MPHOSPH9: variants seen among roughly 807,000 people sequenced by gnomAD.
The protein encoded by MPHOSPH9 is M-phase phosphoprotein 9.
MPHOSPH9 carries 88 observed loss-of-function variants against 145.5 expected under a neutral mutation model. The observed-to-expected ratio is 0.60, with a 90% CI of 0.51 to 0.72. The LOEUF (loss-of-function observed/expected upper bound fraction) is 0.72, where lower values mean the gene tolerates loss of function less well. Ranked by LOEUF, MPHOSPH9 falls within the 30% of genes least tolerant of loss-of-function variation. The pLI, the probability that MPHOSPH9 is intolerant of heterozygous loss-of-function variation, is 0.00. For synonymous variants in MPHOSPH9, 435 were observed against 486.2 expected (o/e 0.89, Z 1.39); for missense variants, 1,238 against 1,386.6 (o/e 0.89, Z 1.70).
At chr12:123,183,707 T>C (rs2045309931) in intron 13 of MPHOSPH9, among the ~76,000 whole-genome samples, 1 of 151,926 alleles carries the variant, frequency 6.6e-6, no homozygotes, top group Admixed American at 6.6e-5. Context: ...GGTTTAGAGA[T>C]GGACAGGGTT....
At chr12:123,187,542 T>C (rs1335684080) in intron 13 of MPHOSPH9, among the ~76,000 whole-genome samples, 2 of 151,710 alleles carry the variant, frequency 1.3e-5, no homozygotes, top group African/African-American at 2.4e-5. Context: ...AGCCAAGAAA[T>C]AGGCAAAATA....
chr12:123,239,635 C>T (rs979157491), intron 1 of MPHOSPH9, among the ~76,000 whole-genome samples: 3 of 152,158 alleles, frequency 2.0e-5, no homozygotes, highest in South Asian at 2.1e-4. Context: ...ATCTCCTGAC[C>T]TCATGATCTG....
chr12:123,183,710 A>G (rs931578630), intron 13 of MPHOSPH9, among the ~76,000 whole-genome samples: 7 of 152,180 alleles, frequency 4.6e-5, no homozygotes, highest in Non-Finnish European at 7.3e-5. Flanking sequence ...TTAGAGATGG[A>G]CAGGGTTGAG....
intron 15 of MPHOSPH9, among the ~76,000 whole-genome samples, chr12:123,177,007 T>C (rs1465422813): frequency 6.6e-6 from 1 of 151,390 alleles, no homozygotes; most frequent in Non-Finnish European, 1.5e-5. Context: ...CTGGTCAATA[T>C]GGTGAAACCC....
chr12:123,240,624 A>C (rs1007762551), intron 1 of MPHOSPH9: 1 of 151,994 alleles, frequency 6.6e-6, no homozygotes, highest in Non-Finnish European at 1.5e-5. Context: ...AAAAAAAAAA[A>C]ACAAACAGTG....
rs1477608782 is a variant in MPHOSPH9 at position 123,188,625 on chromosome 12, A to G, written c.2241+5761T>C. ...CACTTTGGGAGGCTGAGGTGGGCGG[A>G]TCACCTGAGGTCAGGAGATCGAGAC... On this transcript the variant is annotated intron_variant, in intron 13 of 23. Transcript: ENST00000606320. 3.9e-5 allele frequency among the ~76,000 whole-genome samples: 6 copies of G among 152,158 alleles called. No homozygotes were observed. The East Asian group carries it at 1.2e-3, about 29-fold the overall frequency.
chr12:123,154,375 G>A lies in MPHOSPH9; in HGVS notation c.*2432C>T, dbSNP rs2043822530. The A allele has an allele frequency of 6.6e-6, 1 of 152,084 alleles. No homozygotes were observed. 9.4% of individuals were successfully genotyped at this position (152,084 alleles called of 1,614,324 possible). A position where few individuals can be genotyped will look rare whatever the true frequency, so the allele number is the denominator to read the frequency against. On this transcript the variant is annotated 3_prime_UTR_variant, in exon 24 of 24. Transcript: ENST00000606320. ...TTTCAGTTGAGTGTTCATAAGATAA[G>A]CATTACCGAAGAGAAAGACAGCAGA...
intron 13 of MPHOSPH9, among the ~76,000 whole-genome samples, chr12:123,191,524 C>T (rs1209988406): frequency 6.6e-6 from 1 of 152,112 alleles, no homozygotes. Flanking sequence ...AACTGCTGAC[C>T]TCAGGTGATC....
At chr12:123,223,453 G>A (rs1052687077) in intron 3 of MPHOSPH9, among the ~76,000 whole-genome samples, 10 of 152,164 alleles carry the variant, frequency 6.6e-5, no homozygotes, top group Admixed American at 6.6e-4. Flanking sequence ...CTCCTTAGAC[G>A]GCTCTGCACT....
At chr12:123,164,524 G>GAA in intron 18 of MPHOSPH9, among the ~76,000 whole-genome samples, 1 of 152,208 alleles carries the variant, frequency 6.6e-6, no homozygotes, top group East Asian at 1.9e-4. Flanking sequence ...CTGGACCTGT[G>GAA]AAAAAACACA....
At chr12:123,234,104 T>C (rs781355290), upstream of MPHOSPH9, among the ~76,000 whole-genome samples, 3 of 152,084 alleles carry the variant, frequency 2.0e-5, no homozygotes, top group Admixed American at 6.5e-5. Flanking sequence ...GCCCTACTTT[T>C]GAAGGACCAA....
intron 11 of MPHOSPH9, among the ~76,000 whole-genome samples, chr12:123,199,743 A>G (rs984565774): frequency 6.6e-6 from 1 of 151,604 alleles, no homozygotes; most frequent in Non-Finnish European, 1.5e-5. Flanking sequence ...CAGTGAGCCG[A>G]GACAGCACCA....
At chr12:123,173,432 C>T (rs549211430) in intron 16 of MPHOSPH9, among the ~76,000 whole-genome samples, 1 of 152,280 alleles carries the variant, frequency 6.6e-6, no homozygotes, top group South Asian at 2.1e-4. Context: ...CAGGGTAGGA[C>T]TCTAATCTGA....
rs1343658128 is a variant in MPHOSPH9, at chr12:123,164,078, T to C, written c.2780A>G (p.Gln927Arg). 2.5e-6 allele frequency: 4 copies of C among 1,614,136 alleles called. No individual in the cohort carries two copies. The East Asian group carries it at 8.9e-5, about 36-fold the overall frequency. ...KEDTSNINPR[Q>R]TETSVNASRS... The stretch of plus-strand genomic sequence containing the variant: ...ACTTGCATTAACTGAAGTTTCAGTT[T>C]GCCGAGGATTTACTACAGCAGACCA... The change falls in exon 19 of 24, where the codon CAA becomes CGA. Residue 927 changes from glutamine to arginine, a missense_variant. Physicochemically the swap from Gln to Arg is conservative, Grantham distance 43. This residue lies in a region of MPHOSPH9 where 393 missense variants were observed against 462.5 expected (regional missense o/e 0.85). Transcript: ENST00000606320.
At chr12:123,227,733 G>A in intron 2 of MPHOSPH9, 117 bp from the exon 3 acceptor site, 1 of 835,952 alleles carries the variant, frequency 1.2e-6, no homozygotes, top group Non-Finnish European at 1.7e-6. Flanking sequence ...TCCTTCTAAT[G>A]GCACCTCATT....
At chr12:123,152,771 A>G (rs968655170), downstream of MPHOSPH9, 4 of 332,864 alleles carry the variant, frequency 1.2e-5, no homozygotes, top group Middle Eastern at 4.1e-4. Flanking sequence ...AATATAGTGG[A>G]TTTAATCAAA....
At chr12:123,229,259 C>T (rs1442023142) in intron 2 of MPHOSPH9, among the ~76,000 whole-genome samples, 1 of 152,158 alleles carries the variant, frequency 6.6e-6, no homozygotes, top group Non-Finnish European at 1.5e-5. Flanking sequence ...TCCTCTCTTA[C>T]AGTCCTTGCC....
intron 13 of MPHOSPH9, among the ~76,000 whole-genome samples, chr12:123,191,337 A>T (rs894742713): frequency 2.6e-5 from 4 of 152,142 alleles, no homozygotes; most frequent in Non-Finnish European, 5.9e-5. Flanking sequence ...ATAAAGAAAA[A>T]GAAAAAGAAA....
chr12:123,171,689 C>T (rs1416407782), intron 16 of MPHOSPH9, among the ~76,000 whole-genome samples: 1 of 151,994 alleles, frequency 6.6e-6, no homozygotes, highest in South Asian at 2.1e-4. Flanking sequence ...GCAGAGGTTA[C>T]AGTGAGCCGA....
Sources: allele counts gnomAD v4.1 joint callset (sites outside exome capture counted in the v4.1 genomes callset), GRCh38; gene constraint gnomAD v4.1.1; regional missense constraint gnomAD v4.1.1; transcripts MANE v1.5; gene names NCBI Gene and HGNC (gene_info 2026-07-23, HGNC 2026-07-21).